NOX3: variants seen among roughly 807,000 people sequenced by gnomAD.
NOX3 encodes the protein NADPH oxidase catalytic subunit-like 3.
NOX3 carries 74 observed loss-of-function variants against 76.7 expected under a neutral mutation model. The ratio of observed to expected loss-of-function variants is 0.96; its 90% confidence interval spans 0.80 to 1.17. The LOEUF is 1.17. Ranked by LOEUF, NOX3 falls within the 50% of genes most tolerant of loss-of-function variation. The pLI, the probability that NOX3 is intolerant of heterozygous loss-of-function variation, is 0.00. For synonymous variants in NOX3, 263 were observed against 261.1 expected (o/e 1.01, Z -0.07); for missense variants, 695 against 703.3 (o/e 0.99, Z 0.13).
At chr6:155,397,113 A>G (rs1582922189) in intron 12 of NOX3, 151 bp from the exon 13 acceptor site, 1 of 644,360 alleles carries the variant, frequency 1.6e-6, no homozygotes, top group Admixed American at 3.6e-5. Context: ...CTTTTTTTCT[A>G]CCTACTTTCA....
At chr6:155,441,990 C>T (rs1436755402) in intron 5 of NOX3, among the ~76,000 whole-genome samples, 2 of 152,270 alleles carry the variant, frequency 1.3e-5, no homozygotes, top group South Asian at 4.1e-4. Flanking sequence ...TCAAGCCGAG[C>T]GCGGTGGCTC....
intron 9 of NOX3, 90 bp downstream of exon 9, chr6:155,428,704 A>T: frequency 8.2e-7 from 1 of 1,225,016 alleles, no homozygotes; most frequent in Non-Finnish European, 1.1e-6. Flanking sequence ...TTTAATAAAG[A>T]TATTGCTGAA....
At chr6:155,453,363 C>A in intron 4 of NOX3, 41 bp downstream of exon 4, 1 of 1,404,128 alleles carries the variant, frequency 7.1e-7, no homozygotes, top group Admixed American at 1.7e-5. Flanking sequence ...AGTTAGGCAT[C>A]AGATATTGTA....
chr6:155,431,760 C>T (rs1007661204), intron 7 of NOX3, among the ~76,000 whole-genome samples: 7 of 152,108 alleles, frequency 4.6e-5, no homozygotes, highest in Non-Finnish European at 5.9e-5. Context: ...TATGTATTAC[C>T]TTGATTTTAC....
At chr6:155,397,541 A>G (rs906385392) in intron 12 of NOX3, among the ~76,000 whole-genome samples, 1 of 152,162 alleles carries the variant, frequency 6.6e-6, no homozygotes, top group Non-Finnish European at 1.5e-5. Context: ...ATCAACACAC[A>G]TTTGCTGAAT....
intron 12 of NOX3, 25 bp from the exon 13 acceptor site, chr6:155,396,987 A>G (rs1472270962): frequency 5.7e-6 from 9 of 1,589,588 alleles, no homozygotes; most frequent in Non-Finnish European, 7.7e-6. Flanking sequence ...AGAAAAGGAA[A>G]TAAAATGTCA....
intron 7 of NOX3, 57 bp downstream of exon 7, chr6:155,436,361 C>A: frequency 6.3e-7 from 1 of 1,597,152 alleles, no homozygotes; most frequent in Admixed American, 1.7e-5. Flanking sequence ...CCTATAAAAA[C>A]TCTGTATTTT....
chr6:155,441,385 A>C, intron 5 of NOX3, among the ~76,000 whole-genome samples: 1 of 152,246 alleles, frequency 6.6e-6, no homozygotes, highest in Non-Finnish European at 1.5e-5. Context: ...CTTCTCAAGT[A>C]CCTTCAGGCA....
chr6:155,439,533 G>C (rs1016610665), intron 6 of NOX3, among the ~76,000 whole-genome samples: 2 of 152,174 alleles, frequency 1.3e-5, no homozygotes. Flanking sequence ...GACTGCCCAT[G>C]CCACACATTG....
chr6:155,453,591 T>A, intron 3 of NOX3, 103 bp from the exon 4 acceptor site: 1 of 883,936 alleles, frequency 1.1e-6, no homozygotes, highest in Non-Finnish European at 1.9e-6. Flanking sequence ...CTAAACTGCT[T>A]AAAGTGGGGC....
At chr6:155,449,334 A>T (rs1777105851) in intron 4 of NOX3, among the ~76,000 whole-genome samples, 1 of 152,194 alleles carries the variant, frequency 6.6e-6, no homozygotes, top group Middle Eastern at 3.4e-3. Context: ...CTATTTAGAC[A>T]CCCCTTGATG....
At position 155,443,408 on chromosome 6, in the gene NOX3, G is replaced by A. The variant is rs1337082152; in HGVS notation, c.351C>T (p.Ile117=). Residue 117 remains isoleucine, a synonymous_variant, in exon 5 of 14, where the codon ATC becomes ATT. Coordinates refer to ENST00000159060, the MANE Select transcript of NOX3 (RefSeq NM_015718.3). ...YGIAVNATIH[I]VAHFFNLERY... ...GTTCCAGGTTGAAGAAATGCGCCAC[G>A]ATGTGGATGGCTAGGACAAGGAGAT... is the stretch of plus-strand genomic sequence containing the variant. The A allele has an allele frequency of 6.2e-7, 1 of 1,613,854 alleles. No homozygotes were observed. The highest frequency in any genetic ancestry group is 8.5e-7 in the Non-Finnish European group (1 of 1,179,830).
At chr6:155,453,154 A>C (rs1047303124) in intron 4 of NOX3, among the ~76,000 whole-genome samples, 2 of 152,226 alleles carry the variant, frequency 1.3e-5, no homozygotes, top group Non-Finnish European at 2.9e-5. Context: ...ATTATTAACA[A>C]GCTTAACTAT....
At chr6:155,450,822 G>T (rs1777124783) in intron 4 of NOX3, among the ~76,000 whole-genome samples, 1 of 151,978 alleles carries the variant, frequency 6.6e-6, no homozygotes, top group South Asian at 2.1e-4. Context: ...TGTGGCAGGG[G>T]GCACAGGCAG....
At chr6:155,419,169 A>G (rs1471213335) in intron 10 of NOX3, among the ~76,000 whole-genome samples, 1 of 152,264 alleles carries the variant, frequency 6.6e-6, no homozygotes, top group Non-Finnish European at 1.5e-5. Context: ...AATATTAGTT[A>G]CATAAGCCTA....
At chr6:155,451,885 C>T (rs1183246337) in intron 4 of NOX3, among the ~76,000 whole-genome samples, 1 of 152,198 alleles carries the variant, frequency 6.6e-6, no homozygotes, top group Non-Finnish European at 1.5e-5. Flanking sequence ...GCCTCAGCCT[C>T]CCAAAGTGCT....
rs754778495 is a variant in NOX3, at chr6:155,453,405, T to G, written c.339A>C (p.Ala113=). ...KLVAYGIAVN[A]TIHIVAHFFN... ...ATTGAGCAATTAATAAGTACTTACT[T>G]GCATTAACAGCTATCCCATAGGCGA... The change falls in exon 4 of 14, where the codon GCA becomes GCC. Residue 113 remains alanine (A), a splice_region_variant and synonymous_variant. Coordinates refer to ENST00000159060, the MANE Select transcript of NOX3 (RefSeq NM_015718.3). The G allele has an allele frequency of 8.7e-6, 14 of 1,606,092 alleles. No homozygotes were observed. The Admixed American group carries it at 2.0e-4, about 23-fold the overall frequency.
At chr6:155,442,429 T>TG (rs1777006082) in intron 5 of NOX3, among the ~76,000 whole-genome samples, 1 of 152,126 alleles carries the variant, frequency 6.6e-6, no homozygotes, top group Non-Finnish European at 1.5e-5. Flanking sequence ...TAAGGCTGCA[T>TG]GGGGAAATGG....
At chr6:155,427,624 G>A (rs968924672) in intron 9 of NOX3, among the ~76,000 whole-genome samples, 1 of 152,170 alleles carries the variant, frequency 6.6e-6, no homozygotes, top group Admixed American at 6.5e-5. Flanking sequence ...GCTGCTTCTT[G>A]GTAGTTCCTG....
Sources: gnomAD v4.1 joint callset for allele counts (sites outside exome capture counted in the v4.1 genomes callset) on GRCh38, gnomAD v4.1.1 for gene constraint, MANE v1.5 for transcripts, NCBI Gene and HGNC (gene_info 2026-07-23, HGNC 2026-07-21) for gene names.